Variants in HMGCLL1 observed in about 807,000 individuals in gnomAD.
HMGCLL1 encodes the protein 3-hydroxy-3-methylglutaryl-CoA lyase like 1.
A neutral mutation model predicts 39.1 loss-of-function variants in HMGCLL1; 36 were observed. The observed-to-expected ratio is 0.92, with a 90% CI of 0.71 to 1.22. HMGCLL1 has a LOEUF of 1.22. Among genes scored for constraint, HMGCLL1 ranks in the 50% most tolerant of loss-of-function variants. The pLI, the probability that HMGCLL1 is intolerant of heterozygous loss-of-function variation, is 0.00. For missense variants in HMGCLL1, 451 were observed against 416.5 expected (o/e 1.08, Z -0.72); for synonymous variants, 149 against 144.0 (o/e 1.03, Z -0.25).
At chr6:55,496,143 CTA>C (rs1471324221) in intron 6 of HMGCLL1, among the ~76,000 whole-genome samples, 1 of 151,832 alleles carries the variant, frequency 6.6e-6, no homozygotes, top group Non-Finnish European at 1.5e-5. Flanking sequence ...TAAAAAATAA[CTA>C]TATTAAATTT....
At chr6:55,596,823 C>T in the HMGCLL1 span, among the ~76,000 whole-genome samples, 4 of 152,178 alleles carry the variant, frequency 2.6e-5, no homozygotes, top group African/African-American at 9.6e-5. Flanking sequence ...AATCATTTGC[C>T]AAGTTAGCAT....
intron 5 of HMGCLL1, among the ~76,000 whole-genome samples, chr6:55,506,103 A>T (rs1767146464): frequency 6.6e-6 from 1 of 151,732 alleles, no homozygotes; most frequent in Non-Finnish European, 1.5e-5. Context: ...CTACTACATC[A>T]GTTGAGCTGT....
intron 4 of HMGCLL1, among the ~76,000 whole-genome samples, chr6:55,515,729 T>C (rs1767704654): frequency 6.6e-6 from 1 of 152,166 alleles, no homozygotes; most frequent in Non-Finnish European, 1.5e-5. Context: ...AATTTTTAAA[T>C]GACTTTTTAA....
At chr6:55,579,839 A>G (rs1469551270), upstream of HMGCLL1, among the ~76,000 whole-genome samples, 1 of 152,212 alleles carries the variant, frequency 6.6e-6, no homozygotes, top group Non-Finnish European at 1.5e-5. Context: ...TTCTTAGGAT[A>G]TTAGAATTGG....
chr6:55,511,695 G>T (rs1374988866), intron 5 of HMGCLL1, among the ~76,000 whole-genome samples: 2 of 151,992 alleles, frequency 1.3e-5, no homozygotes, highest in African/African-American at 4.8e-5. Context: ...GGTACTAATG[G>T]CTTATGACTT....
At chr6:55,623,967 C>A in the HMGCLL1 span, among the ~76,000 whole-genome samples, 2 of 152,118 alleles carry the variant, frequency 1.3e-5, no homozygotes, top group South Asian at 4.1e-4. Context: ...AATTACCTGA[C>A]CTCCATTAGC....
chr6:55,514,370 A>T (rs2127436451), intron 4 of HMGCLL1, among the ~76,000 whole-genome samples, 174 bp from the exon 5 acceptor site: 1 of 152,306 alleles, frequency 6.6e-6, no homozygotes, highest in East Asian at 1.9e-4. Flanking sequence ...AAATGTAAAA[A>T]TATTTTGTAA....
At chr6:55,436,250 A>C (rs961879644) in intron 8 of HMGCLL1, among the ~76,000 whole-genome samples, 6 of 152,048 alleles carry the variant, frequency 3.9e-5, no homozygotes, top group African/African-American at 1.4e-4. Flanking sequence ...ATATTTTTTA[A>C]ACCAAGGCCA....
chr6:55,597,037 A>G, the HMGCLL1 span, among the ~76,000 whole-genome samples: 3 of 122,874 alleles, frequency 2.4e-5, no homozygotes, highest in Non-Finnish European at 5.3e-5. Context: ...ACAAAACCCA[A>G]TGATTTTTGT....
chr6:55,542,885 A>T (rs1223143567), intron 1 of HMGCLL1, among the ~76,000 whole-genome samples: 29 of 134,970 alleles, frequency 2.1e-4, no homozygotes, highest in Admixed American at 1.7e-3. Context: ...ATTTTTATAT[A>T]TTTATATATT....
chr6:55,553,248 C>CGTGTGTGTGTGT (rs70986735), intron 1 of HMGCLL1, among the ~76,000 whole-genome samples: 37,980 of 143,268 alleles, frequency 0.27, 5,342 homozygotes, highest in Non-Finnish European at 0.32. Context: ...TACATATATA[C>CGTGTGTGTGTGT]GTGTGTGTGT....
At chr6:55,663,880 G>A in the HMGCLL1 span, among the ~76,000 whole-genome samples, 673 of 151,888 alleles carry the variant, frequency 4.4e-3, 6 homozygotes, top group Non-Finnish European at 7.3e-3. Context: ...ATATATTTAG[G>A]AGAGTTAGTT....
At chr6:55,647,745 CTT>C in the HMGCLL1 span, among the ~76,000 whole-genome samples, 26 of 115,856 alleles carry the variant, frequency 2.2e-4, no homozygotes, top group South Asian at 2.7e-4. Context: ...TTTTTTTTTC[CTT>C]TTTTTTTTTT....
the HMGCLL1 span, among the ~76,000 whole-genome samples, chr6:55,625,834 C>G: frequency 6.6e-6 from 1 of 152,146 alleles, no homozygotes; most frequent in Non-Finnish European, 1.5e-5. Context: ...ATAATTGTAT[C>G]TCATGTGAGT....
intron 1 of HMGCLL1, among the ~76,000 whole-genome samples, chr6:55,542,368 AAAGATTAATTTAT>A (rs1298929617): frequency 3.9e-5 from 6 of 152,200 alleles, no homozygotes; most frequent in Admixed American, 6.6e-5. Context: ...TTAAAATTCA[AAAGATTAATTTAT>A]AAAATATAAT....
rs148322686 is a variant in HMGCLL1, at chr6:55,531,597, C to A, written c.297+10132G>T. ...AAAAGATAAGGTAAAGCAGTGGTAC[C>A]CAACCCCCAGTCCACAGACCAGTAC... On this transcript the variant is annotated intron_variant, in intron 3 of 8. Transcript: ENST00000274901. Among the ~76,000 whole-genome samples the A allele has an allele frequency of 2.8e-3, 430 of 152,056 alleles. 1 individual carries two copies. Among genetic ancestry groups the A allele is most frequent in the African/African-American group, 9.9e-3 (411 of 41,492 alleles).
At chr6:55,516,385 G>C in intron 4 of HMGCLL1, 123 bp downstream of exon 4, 1 of 543,984 alleles carries the variant, frequency 1.8e-6, no homozygotes, top group Non-Finnish European at 3.2e-6. Flanking sequence ...ATGTCTTCAT[G>C]TTAGTACATT....
intron 4 of HMGCLL1, 62 bp from the exon 5 acceptor site, chr6:55,514,258 G>A: frequency 7.7e-7 from 1 of 1,305,328 alleles, no homozygotes; most frequent in South Asian, 1.4e-5. Context: ...GACAGTGGTA[G>A]AATAAAGATT....
chr6:55,566,298 G>T (rs1771207813), intron 1 of HMGCLL1, among the ~76,000 whole-genome samples: 1 of 152,096 alleles, frequency 6.6e-6, no homozygotes, highest in African/African-American at 2.4e-5. Flanking sequence ...CTGCCTCATT[G>T]TTTGCCAAGC....
Sources: gnomAD v4.1 joint callset for allele counts (sites outside exome capture counted in the v4.1 genomes callset) on GRCh38, gnomAD v4.1.1 for gene constraint, MANE v1.5 for transcripts, NCBI Gene and HGNC (gene_info 2026-07-23, HGNC 2026-07-21) for gene names.